CYFIP1: variants seen among roughly 807,000 people sequenced by gnomAD.
The protein encoded by CYFIP1 is cytoplasmic FMR1-interacting protein 1.
In CYFIP1, 58 loss-of-function variants were observed where a neutral mutation model predicts 163.5. The observed-to-expected ratio is 0.35, with a 90% confidence interval of 0.29 to 0.44. CYFIP1 has a LOEUF of 0.44. CYFIP1 is among the 20% of genes least tolerant of loss of function. The pLI is 1.00. For missense variants in CYFIP1, 1,338 were observed against 1,653.8 expected, an observed-to-expected ratio of 0.81 and a Z score of 3.31; for synonymous variants, 663 against 660.7, an observed-to-expected ratio of 1.00 and a Z score of -0.05.
chr15:22,970,681 T>C (rs1203133719), intron 1 of CYFIP1, among the ~76,000 whole-genome samples: 1 of 152,204 alleles, frequency 6.6e-6, no homozygotes, highest in Non-Finnish European at 1.5e-5. Flanking sequence ...GTCAAGATCA[T>C]TCAATGGAAA....
At chr15:22,951,740 C>A (rs1474678078) in intron 1 of CYFIP1, among the ~76,000 whole-genome samples, 1 of 152,198 alleles carries the variant, frequency 6.6e-6, no homozygotes, top group African/African-American at 2.4e-5. Context: ...AGGGACTCGC[C>A]TTCCTCCCCG....
intron 25 of CYFIP1, among the ~76,000 whole-genome samples, chr15:22,881,155 A>G (rs914411691): frequency 3.9e-5 from 6 of 152,292 alleles, no homozygotes; most frequent in Admixed American, 1.3e-4. Context: ...CACGTGTTCA[A>G]GAGCTCAGCC....
intron 6 of CYFIP1, among the ~76,000 whole-genome samples, chr15:22,941,232 C>T (rs2061884003): frequency 6.9e-6 from 1 of 143,936 alleles, no homozygotes; most frequent in South Asian, 2.1e-4. Flanking sequence ...GTTTTTTTTG[C>T]TCTTGTTTTT....
At chr15:22,945,166 C>CA (rs1461851058) in intron 3 of CYFIP1, among the ~76,000 whole-genome samples, 3 of 152,182 alleles carry the variant, frequency 2.0e-5, no homozygotes, top group African/African-American at 7.2e-5. Context: ...GTGTCAGTGA[C>CA]ACGCAGGCAT....
In CYFIP1 at chr15:22,903,672, C is replaced by G. The variant is rs199690214; in HGVS notation, c.2588+34G>C. On this transcript the variant is annotated intron_variant, in intron 22 of 30. Transcript: ENST00000617928. ...CGGGGACATGGGTCCCTGAGCGCCT[C>G]GCCTGTGGGCGCCTGTGTGGCGGGC... 9 of 1,610,778 alleles carry G rather than the reference C, an allele frequency of 5.6e-6. No individual in the cohort carries two copies. In the South Asian group the frequency reaches 7.7e-5, roughly 14 times the overall value.
intron 23 of CYFIP1, among the ~76,000 whole-genome samples, chr15:22,885,937 C>T (rs1388062570): frequency 6.6e-6 from 1 of 152,108 alleles, no homozygotes; most frequent in Non-Finnish European, 1.5e-5. Context: ...AGTCCATTTT[C>T]ACCCTGCTAA....
intron 12 of CYFIP1, among the ~76,000 whole-genome samples, 190 bp downstream of exon 12, chr15:22,927,716 T>A (rs934041647): frequency 1.1e-4 from 16 of 152,070 alleles, no homozygotes; most frequent in African/African-American, 3.6e-4. Context: ...AGATTTTTTT[T>A]AAAAAGGAGG....
chr15:22,937,833 G>A (rs1376441274), intron 8 of CYFIP1, among the ~76,000 whole-genome samples: 1 of 152,034 alleles, frequency 6.6e-6, no homozygotes, highest in Non-Finnish European at 1.5e-5. Flanking sequence ...TAAAACTCCT[G>A]ACCTCAAGTG....
At chr15:22,972,287 T>C (rs1595736743) in intron 1 of CYFIP1, among the ~76,000 whole-genome samples, 1 of 151,942 alleles carries the variant, frequency 6.6e-6, no homozygotes, top group African/African-American at 2.4e-5. Context: ...AACAAAAAAA[T>C]TAGCTGGGTG....
intron 28 of CYFIP1, 49 bp from the exon 29 acceptor site, chr15:22,873,778 C>G (rs1184892005): frequency 6.8e-7 from 1 of 1,466,048 alleles, no homozygotes; most frequent in Admixed American, 1.7e-5. Context: ...AGGCATCCAG[C>G]TACTCCACAT....
At chr15:22,926,684 A>G (rs967765884) in intron 12 of CYFIP1, among the ~76,000 whole-genome samples, 5 of 152,236 alleles carry the variant, frequency 3.3e-5, no homozygotes, top group African/African-American at 1.2e-4. Flanking sequence ...ATGTTCAACA[A>G]AAGACATTGA....
chr15:22,917,313 G>T lies in CYFIP1; in HGVS notation c.1674+475C>A. The T allele has an allele frequency of 7.6e-7, 1 of 1,318,198 alleles. No homozygotes were observed. Among genetic ancestry groups the T allele is most frequent in the Non-Finnish European group, 9.6e-7 (1 of 1,037,376 alleles). The allele number at this position is 1,318,198 out of a possible 1,614,324, so 81.7% of individuals were successfully genotyped here. On this transcript the variant is annotated intron_variant, in intron 15 of 30. Coordinates refer to ENST00000617928, the MANE Select transcript of CYFIP1 (RefSeq NM_014608.6). The surrounding 1 kb of genome is among the most constrained non-coding windows in gnomAD (Gnocchi z 4.2). ...AGACGCAGCGGTGTGGATTAAACCG[G>T]GTGTGAAAGTCGTGAGAAGCACCTC...
intron 23 of CYFIP1, among the ~76,000 whole-genome samples, chr15:22,886,813 T>C (rs1313606589): frequency 6.6e-6 from 1 of 152,170 alleles, no homozygotes; most frequent in Non-Finnish European, 1.5e-5. Context: ...TCGATGGTGG[T>C]GTTCAGTTCT....
chr15:22,927,793 G>C, intron 12 of CYFIP1, 113 bp downstream of exon 12: 1 of 1,060,288 alleles, frequency 9.4e-7, no homozygotes, highest in Non-Finnish European at 1.3e-6. Context: ...TCTACTGATA[G>C]ATATTCTCGT....
chr15:22,961,443 A>G (rs2062678399), intron 1 of CYFIP1, among the ~76,000 whole-genome samples: 1 of 152,158 alleles, frequency 6.6e-6, no homozygotes, highest in South Asian at 2.1e-4. Flanking sequence ...CAGTGGTGTG[A>G]TAACAGCTTA....
chr15:22,887,285 T>C (rs988214323), intron 23 of CYFIP1, among the ~76,000 whole-genome samples: 1 of 152,152 alleles, frequency 6.6e-6, no homozygotes, highest in Non-Finnish European at 1.5e-5. Flanking sequence ...TAGACAACAC[T>C]GAAGGACAGA....
intron 22 of CYFIP1, among the ~76,000 whole-genome samples, chr15:22,897,826 C>T (rs2060283558): frequency 1.3e-5 from 2 of 152,190 alleles, no homozygotes; most frequent in Non-Finnish European, 2.9e-5. Context: ...ACTCAGAAGC[C>T]TCCTGGCCTT....
chr15:22,916,425 T>A (rs955528434), intron 16 of CYFIP1, 52 bp downstream of exon 16: 33 of 1,337,966 alleles, frequency 2.5e-5, no homozygotes, highest in Non-Finnish European at 3.3e-5. Flanking sequence ...CTAGACGGTG[T>A]TAGTGGTGTT....
Position 22,869,841 on chromosome 15 carries a change from A to T in CYFIP1, c.*187T>A, listed in dbSNP as rs1321060398. The T allele has an allele frequency of 2.1e-6, 1 of 476,496 alleles. No homozygotes were observed. The highest frequency in any genetic ancestry group is 2.0e-5 in the African/African-American group (1 of 49,404). 29.5% of individuals were successfully genotyped at this position (476,496 alleles called of 1,614,324 possible). ...CAGCCAATATTCTCAAGAGTTCCTAATTACCAAAAGCATATACAATTTTAG... is the reference window on the plus strand; with the variant it reads ...CAGCCAATATTCTCAAGAGTTCCTATTTACCAAAAGCATATACAATTTTAG... On this transcript the variant is annotated 3_prime_UTR_variant, in exon 31 of 31. Transcript: ENST00000617928.
Sources: gnomAD v4.1 joint callset for allele counts (sites outside exome capture counted in the v4.1 genomes callset) on GRCh38, gnomAD v4.1.1 for gene constraint, Gnocchi (gnomAD v3.1) non-coding constraint, MANE v1.5 for transcripts, NCBI Gene and HGNC (gene_info 2026-07-23, HGNC 2026-07-21) for gene names.